The following TBCE variants were observed in gnomAD, a reference collection of about 807,000 sequenced individuals.
TBCE encodes tubulin-specific chaperone E.
In TBCE, 53 loss-of-function variants were observed where a neutral mutation model predicts 77.0. The observed-to-expected ratio is 0.69, with a 90% CI of 0.55 to 0.87. The LOEUF (loss-of-function observed/expected upper bound fraction) is 0.87. TBCE is among the 40% of genes least tolerant of loss of function. The probability of loss-of-function intolerance (pLI) is 0.00; values close to 1 mark genes in which losing one functional copy is unlikely to be tolerated. For missense variants in TBCE, 624 were observed against 622.4 expected (o/e 1.00, Z -0.03); for synonymous variants, 235 against 241.3 (o/e 0.97, Z 0.24).
At chr1:235,419,318 T>C in intron 4 of TBCE, 155 bp from the exon 5 acceptor site, 1 of 1,130,900 alleles carries the variant, frequency 8.8e-7, no homozygotes, top group Non-Finnish European at 1.3e-6. Flanking sequence ...TTTTCTTTTT[T>C]GTAATGCTTT....
At chr1:235,446,695 G>GTTTT (rs11405266) in intron 15 of TBCE, among the ~76,000 whole-genome samples, 1 of 138,958 alleles carries the variant, frequency 7.2e-6, no homozygotes, top group Non-Finnish European at 1.6e-5. Flanking sequence ...GAGTAGGCAG[G>GTTTT]TTTTTTTTTT....
intron 1 of TBCE, among the ~76,000 whole-genome samples, chr1:235,373,529 C>T (rs925233115): frequency 6.6e-6 from 1 of 152,088 alleles, no homozygotes; most frequent in Non-Finnish European, 1.5e-5. Flanking sequence ...CTGCAACCTC[C>T]GCCTCCAGGG....
At chr1:235,392,134 T>A (rs1678423216) in intron 2 of TBCE, among the ~76,000 whole-genome samples, 1 of 151,642 alleles carries the variant, frequency 6.6e-6, no homozygotes, top group Non-Finnish European at 1.5e-5. Context: ...CCAGCCTAGG[T>A]AACGTAACAA....
chr1:235,405,059 T>G (rs1395246672), intron 3 of TBCE, among the ~76,000 whole-genome samples: 1 of 150,830 alleles, frequency 6.6e-6, no homozygotes, highest in African/African-American at 2.4e-5. Flanking sequence ...GCCTCCCAGG[T>G]TCAAGTGATT....
At chr1:235,390,142 A>G (rs115864807) in intron 2 of TBCE, among the ~76,000 whole-genome samples, 3 of 152,164 alleles carry the variant, frequency 2.0e-5, no homozygotes, top group African/African-American at 4.8e-5. Context: ...AAAGAAAAAG[A>G]AAAAGAAATG....
intron 2 of TBCE, among the ~76,000 whole-genome samples, chr1:235,394,765 T>C (rs918807596): frequency 1.3e-5 from 2 of 151,686 alleles, no homozygotes; most frequent in African/African-American, 4.8e-5. Flanking sequence ...CAGGGTGGAG[T>C]GCAGTGGCAT....
chr1:235,422,779 A>C (rs1680471013), intron 5 of TBCE, among the ~76,000 whole-genome samples: 1 of 152,232 alleles, frequency 6.6e-6, no homozygotes, highest in Admixed American at 6.5e-5. Flanking sequence ...CAGTGAGCCG[A>C]GATCGCGCCA....
intron 16 of TBCE, 115 bp downstream of exon 16, chr1:235,448,555 G>GTTTGA (rs1340025533): frequency 9.3e-6 from 13 of 1,395,252 alleles, no homozygotes; most frequent in Non-Finnish European, 1.3e-5. Context: ...GGGTCTGTTT[G>GTTTGA]TTTGATTTTA....
At chr1:235,447,787 A>G (rs1682501371) in intron 15 of TBCE, among the ~76,000 whole-genome samples, 1 of 152,196 alleles carries the variant, frequency 6.6e-6, no homozygotes. Flanking sequence ...CACTACTGAA[A>G]TGGTATGAAA....
At chr1:235,412,865 A>G (rs903577652) in intron 3 of TBCE, among the ~76,000 whole-genome samples, 38 of 152,242 alleles carry the variant, frequency 2.5e-4, no homozygotes, top group African/African-American at 8.7e-4. Context: ...GTGCAATGGC[A>G]TGATCTTGGC....
chr1:235,431,640 T>C (rs1322158011), intron 7 of TBCE, among the ~76,000 whole-genome samples: 3 of 147,712 alleles, frequency 2.0e-5, no homozygotes, highest in South Asian at 2.2e-4. Flanking sequence ...GGATTAGAGG[T>C]GTAAGCCACC....
At chr1:235,394,658 C>T (rs1027114442) in intron 2 of TBCE, among the ~76,000 whole-genome samples, 1 of 151,168 alleles carries the variant, frequency 6.6e-6, no homozygotes, top group Middle Eastern at 3.5e-3. Flanking sequence ...TGGGCTCAAG[C>T]AATCTGCCTG....
chr1:235,371,950 A>C (rs1676990662), intron 1 of TBCE, among the ~76,000 whole-genome samples: 2 of 151,942 alleles, frequency 1.3e-5, no homozygotes. Flanking sequence ...CTGGGATTAC[A>C]GGCATGAGCC....
intron 2 of TBCE, among the ~76,000 whole-genome samples, chr1:235,386,551 A>C (rs1558351507): frequency 6.6e-6 from 1 of 152,054 alleles, no homozygotes; most frequent in East Asian, 1.9e-4. Flanking sequence ...CATTCATTTC[A>C]TCTTCCATCA....
chr1:235,447,181 T>TTAAC (rs1682401529), intron 15 of TBCE, among the ~76,000 whole-genome samples: 1 of 152,198 alleles, frequency 6.6e-6, no homozygotes, highest in Non-Finnish European at 1.5e-5. Flanking sequence ...ATAAATTCTA[T>TTAAC]TAACTGTATT....
At chr1:235,380,626 TTTC>T (rs572388246) in intron 2 of TBCE, among the ~76,000 whole-genome samples, 3 of 152,126 alleles carry the variant, frequency 2.0e-5, no homozygotes, top group African/African-American at 4.8e-5. Flanking sequence ...TTTTGCAATA[TTTC>T]TTCTTTTTTT....
intron 5 of TBCE, 43 bp from the exon 6 acceptor site, chr1:235,427,097 T>C (rs1349873288): frequency 7.3e-7 from 1 of 1,378,434 alleles, no homozygotes; most frequent in East Asian, 2.3e-5. Flanking sequence ...TTATGTCTTT[T>C]GTGAATCTTT....
intron 2 of TBCE, among the ~76,000 whole-genome samples, chr1:235,386,093 T>TATGAA (rs1371161678): frequency 6.6e-6 from 1 of 152,212 alleles, no homozygotes; most frequent in Non-Finnish European, 1.5e-5. Context: ...TTTGGCTGGA[T>TATGAA]ATGAAATTCT....
intron 13 of TBCE, among the ~76,000 whole-genome samples, chr1:235,440,140 T>C (rs1681761648): frequency 6.6e-6 from 1 of 151,996 alleles, no homozygotes; most frequent in African/African-American, 2.4e-5. Flanking sequence ...CCGGCTAATT[T>C]TTTGTATTTT....
Sources: allele counts gnomAD v4.1 joint callset (sites outside exome capture counted in the v4.1 genomes callset), GRCh38; gene constraint gnomAD v4.1.1; transcripts MANE v1.5; gene names NCBI Gene and HGNC (gene_info 2026-07-23, HGNC 2026-07-21).